Variants in HPSE2 observed in about 807,000 individuals in gnomAD.
The protein encoded by HPSE2 is inactive heparanase-2.
A neutral mutation model predicts 60.5 loss-of-function variants in HPSE2; 38 were observed. The observed-to-expected ratio is 0.63, with a 90% CI of 0.48 to 0.82. HPSE2 has a LOEUF of 0.82. Among genes scored for constraint, HPSE2 ranks in the 40% least tolerant of loss-of-function variants. The pLI is 0.00. For missense variants in HPSE2, 713 were observed against 740.4 expected (o/e 0.96, Z 0.43); for synonymous variants, 295 against 293.2 (o/e 1.01, Z -0.06).
chr10:98,528,526 T>A (rs1032283175), intron 9 of HPSE2, among the ~76,000 whole-genome samples: 1 of 151,834 alleles, frequency 6.6e-6, no homozygotes, highest in African/African-American at 2.4e-5. Context: ...CCAGGCCACA[T>A]GGTGATTCCA....
chr10:98,588,233 G>T (rs1317982184), intron 9 of HPSE2, among the ~76,000 whole-genome samples: 1 of 152,214 alleles, frequency 6.6e-6, no homozygotes, highest in Non-Finnish European at 1.5e-5. Flanking sequence ...GCCTTAGAGA[G>T]GATTGAGGAT....
intron 9 of HPSE2, among the ~76,000 whole-genome samples, chr10:98,611,229 G>A (rs1416001126): frequency 6.6e-6 from 1 of 152,086 alleles, no homozygotes; most frequent in South Asian, 2.1e-4. Flanking sequence ...AAGAACATGG[G>A]GTATATTTGA....
At chr10:98,697,143 G>A in intron 5 of HPSE2, among the ~76,000 whole-genome samples, 1 of 152,206 alleles carries the variant, frequency 6.6e-6, no homozygotes, top group East Asian at 1.9e-4. Flanking sequence ...GAACTGGACA[G>A]AGGATGCGAT....
chr10:98,830,939 C>T (rs1951669526), intron 3 of HPSE2, among the ~76,000 whole-genome samples: 1 of 152,140 alleles, frequency 6.6e-6, no homozygotes, highest in African/African-American at 2.4e-5. Context: ...AATTTCAGCC[C>T]AGATTTAGGT....
the HPSE2 span, among the ~76,000 whole-genome samples, chr10:99,295,344 T>C: frequency 2.7e-5 from 1 of 37,296 alleles, no homozygotes; most frequent in African/African-American, 1.9e-4. Flanking sequence ...ATACTGCCTC[T>C]CAGGAGAATG....
At chr10:98,585,241 G>A (rs1482741537) in intron 9 of HPSE2, among the ~76,000 whole-genome samples, 8 of 150,712 alleles carry the variant, frequency 5.3e-5, no homozygotes, top group South Asian at 2.1e-4. Flanking sequence ...TACCAAAAGC[G>A]CTTCTTTATT....
chr10:98,484,911 C>A (rs910240608), intron 10 of HPSE2, among the ~76,000 whole-genome samples: 8 of 152,144 alleles, frequency 5.3e-5, no homozygotes, highest in Non-Finnish European at 5.9e-5. Flanking sequence ...AGGGCCCCAT[C>A]TGGATAGGTT....
chr10:99,038,743 A>G lies in HPSE2; in HGVS notation c.610+105495T>C, dbSNP rs541089960. 9.2e-5 allele frequency among the ~76,000 whole-genome samples: 14 copies of G among 152,272 alleles called. No individual in the cohort carries two copies. In the South Asian group the frequency reaches 2.9e-3, roughly 32 times the overall value. On this transcript the variant is annotated intron_variant, in intron 3 of 11. Coordinates refer to ENST00000370552, the MANE Select transcript of HPSE2 (RefSeq NM_021828.5). The stretch of plus-strand genomic sequence containing the variant: ...GTAACTAACTCGGGAAGCCGGGTGA[A>G]GGATATAGGAGACCGCTCTCTATTA...
the HPSE2 span, among the ~76,000 whole-genome samples, chr10:99,246,279 G>A: frequency 3.9e-3 from 594 of 152,256 alleles, 5 homozygotes; most frequent in African/African-American, 0.014. Context: ...ACAATGGACC[G>A]GGTATTGTGT....
chr10:99,005,939 G>A (rs987661405), intron 3 of HPSE2, among the ~76,000 whole-genome samples: 8 of 152,164 alleles, frequency 5.3e-5, no homozygotes, highest in African/African-American at 1.7e-4. Flanking sequence ...TCAGCAGGTG[G>A]GTGGGCCTGG....
chr10:98,852,492 A>G (rs1435379661), intron 3 of HPSE2, among the ~76,000 whole-genome samples: 1 of 152,042 alleles, frequency 6.6e-6, no homozygotes, highest in African/African-American at 2.4e-5. Flanking sequence ...GGGGTGCATC[A>G]CTGTACCTGG....
intron 2 of HPSE2, among the ~76,000 whole-genome samples, chr10:99,166,192 T>C (rs1847077021): frequency 6.6e-6 from 1 of 152,220 alleles, no homozygotes; most frequent in Non-Finnish European, 1.5e-5. Context: ...CTATAGTTTG[T>C]TTAACCATTC....
the HPSE2 span, among the ~76,000 whole-genome samples, chr10:99,281,302 AC>A: frequency 6.7e-6 from 1 of 148,616 alleles, no homozygotes; most frequent in Admixed American, 6.7e-5. Context: ...GTAATATGTT[AC>A]TTATTATTGT....
intron 3 of HPSE2, among the ~76,000 whole-genome samples, chr10:98,817,888 A>G (rs1589877247): frequency 1.3e-5 from 2 of 152,222 alleles, no homozygotes; most frequent in African/African-American, 4.8e-5. Flanking sequence ...ATTGTTATCC[A>G]AACACATAAA....
chr10:98,636,141 T>C (rs761184240), intron 7 of HPSE2, among the ~76,000 whole-genome samples: 1 of 152,212 alleles, frequency 6.6e-6, no homozygotes, highest in Non-Finnish European at 1.5e-5. Flanking sequence ...ATTAACATAA[T>C]TTATTGTACA....
rs111262875 is a variant in HPSE2 at position 98,595,660 on chromosome 10, A to C, written c.1320+19244T>G. ...TGTCATCTGCAAAAAGGAACAATTT[A>C]ACTTATTATTTTCCAATGTGGATGC... On this transcript the variant is annotated intron_variant, in intron 9 of 11. Transcript: ENST00000370552. Among the ~76,000 whole-genome samples, 651 of 152,196 alleles carry C rather than the reference A, an allele frequency of 4.3e-3. 3 individuals are homozygous for C. Among genetic ancestry groups the C allele is most frequent in the African/African-American group, 0.015 (627 of 41,514 alleles).
chr10:99,129,266 T>C (rs984209336), intron 3 of HPSE2, among the ~76,000 whole-genome samples: 1 of 152,134 alleles, frequency 6.6e-6, no homozygotes, highest in African/African-American at 2.4e-5. Flanking sequence ...GGACTTAAAC[T>C]ATAACCTAGA....
At chr10:98,559,625 G>C (rs922073551) in intron 9 of HPSE2, among the ~76,000 whole-genome samples, 1 of 152,124 alleles carries the variant, frequency 6.6e-6, no homozygotes, top group Non-Finnish European at 1.5e-5. Context: ...AACATTTATT[G>C]ACTACTTGTT....
intron 3 of HPSE2, among the ~76,000 whole-genome samples, chr10:98,782,941 GT>G (rs576508491): frequency 6.9e-5 from 8 of 116,104 alleles, no homozygotes; most frequent in Non-Finnish European, 1.2e-4. Flanking sequence ...TTTTTTTAAT[GT>G]TTTTTTTTTT....
Sources: allele counts gnomAD v4.1 joint callset (sites outside exome capture counted in the v4.1 genomes callset), GRCh38; gene constraint gnomAD v4.1.1; transcripts MANE v1.5; gene names NCBI Gene and HGNC (gene_info 2026-07-23, HGNC 2026-07-21).